PIEZO1: variants seen among roughly 807,000 people sequenced by gnomAD.
PIEZO1 encodes piezo type mechanosensitive ion channel component 1 (Er blood group).
PIEZO1 carries 296 observed loss-of-function variants against 297.2 expected under a neutral mutation model. The observed-to-expected ratio is 1.00, with a 90% confidence interval of 0.91 to 1.10. PIEZO1 has a LOEUF of 1.10. Ranked by LOEUF, PIEZO1 falls within the 50% of genes least tolerant of loss-of-function variation. PIEZO1 has a pLI of 0.00. For synonymous variants in PIEZO1, 2,427 were observed against 1,507.5 expected (o/e 1.61, Z -14.13); for missense variants, 5,018 against 3,455.5 (o/e 1.45, Z -11.34).
At chr16:88,754,625 G>T (rs3843706) in intron 1 of PIEZO1, among the ~76,000 whole-genome samples, 1 of 152,088 alleles carries the variant, frequency 6.6e-6, no homozygotes, top group African/African-American at 2.4e-5. Flanking sequence ...TGCCGGATGG[G>T]GCTTTCACAA....
chr16:88,736,836 C>T, intron 10 of PIEZO1, 97 bp from the exon 11 acceptor site: 2 of 699,688 alleles, frequency 2.9e-6, no homozygotes, highest in Non-Finnish European at 4.6e-6. Context: ...AAGCACACAG[C>T]AGGAGAGACA....
In PIEZO1 at chr16:88,738,382, G is replaced by A; in HGVS notation, c.693C>T (p.Cys231=). The change falls in exon 7 of 51, where the codon TGC becomes TGT. Residue 231 remains cysteine, a synonymous_variant. Coordinates refer to ENST00000301015, the MANE Select transcript of PIEZO1 (RefSeq NM_001142864.4). ...TGGGAAAGTGGCAGGCCCACCAGGT[G>A]CAGAGGGCCAGGAAGAGCAGCAGGT... The part of the protein sequence containing the change: ...SVYLLLFLAL[C]TWWACHFPIS... 1.3e-6 allele frequency: 2 copies of A among 1,535,830 alleles called. No individual in the cohort carries two copies. Among genetic ancestry groups the A allele is most frequent in the Non-Finnish European group, 1.7e-6 (2 of 1,146,842 alleles).
At chr16:88,720,809 C>G in intron 39 of PIEZO1, 61 bp from the exon 40 acceptor site, 1 of 1,437,026 alleles carries the variant, frequency 7.0e-7, no homozygotes, top group East Asian at 2.5e-5. Flanking sequence ...CTCATGGCTC[C>G]TGACCACCCT....
chr16:88,783,554 T>A (rs1353945235), intron 1 of PIEZO1, among the ~76,000 whole-genome samples: 1 of 152,152 alleles, frequency 6.6e-6, no homozygotes, highest in Admixed American at 6.5e-5. Flanking sequence ...CTAAGGCCTG[T>A]CAGCTCTAGA....
intron 19 of PIEZO1, 80 bp from the exon 20 acceptor site, chr16:88,732,812 G>C: frequency 7.2e-7 from 1 of 1,379,878 alleles, no homozygotes; most frequent in South Asian, 1.5e-5. Context: ...CACAGCCACA[G>C]CTCTGGGGCA....
At chr16:88,732,014 G>A (rs1304620085) in intron 21 of PIEZO1, 104 bp from the exon 22 acceptor site, 11 of 17,704 alleles carry the variant, frequency 6.2e-4, no homozygotes, top group Non-Finnish European at 1.1e-3. Context: ...CCTGCCTGGA[G>A]GCTGCGGGCA....
At chr16:88,777,416 C>T (rs1474840484) in intron 1 of PIEZO1, among the ~76,000 whole-genome samples, 1 of 152,044 alleles carries the variant, frequency 6.6e-6, no homozygotes, top group Non-Finnish European at 1.5e-5. Flanking sequence ...GCAGGGTCCT[C>T]ACTGTCACTG....
intron 2 of PIEZO1, among the ~76,000 whole-genome samples, chr16:88,747,626 C>T (rs1597470117): frequency 1.3e-5 from 2 of 152,228 alleles, no homozygotes; most frequent in South Asian, 4.1e-4. Context: ...GACCTTCCAC[C>T]TGCAGCTGGC....
intron 1 of PIEZO1, among the ~76,000 whole-genome samples, chr16:88,756,648 G>C (rs750332396): frequency 6.6e-6 from 1 of 152,130 alleles, no homozygotes; most frequent in African/African-American, 2.4e-5. Context: ...GGTGCCTGTA[G>C]TCCCAGCTAC....
At position 88,722,236 on chromosome 16, in the gene PIEZO1, C is replaced by G. The variant is rs1228583347; in HGVS notation, c.4937G>C (p.Ser1646Thr). The G allele has an allele frequency of 6.5e-7, 1 of 1,547,364 alleles. No individual in the cohort carries two copies. Among genetic ancestry groups the G allele is most frequent in the Admixed American group, 2.0e-5 (1 of 50,958 alleles). The change falls in exon 36 of 51, where the codon AGC becomes ACC. Residue 1646 changes from serine to threonine, a missense_variant. Transcript: ENST00000301015. ...CCCCCACCTGTCCAGGAGCAGCTCG[C>G]TGGCCGTCCGCATCAGTCCCTGGTA... is the stretch of plus-strand genomic sequence containing the variant. ...SLYQGLMRTA[S>T]ELLLDRRLRI... is the part of the protein sequence containing the mutation.
chr16:88,784,890 C>G lies in PIEZO1; in HGVS notation c.64+11G>C. On this transcript the variant is annotated intron_variant, in intron 1 of 50. Transcript: ENST00000301015. ...CCTCCCGTCGCCCCCAGGCGCCCGCCCCCCACTCACCAGCCAGCAGCGCGC... is the reference window on the plus strand; with the variant it reads ...CCTCCCGTCGCCCCCAGGCGCCCGCGCCCCACTCACCAGCCAGCAGCGCGC... The G allele has an allele frequency of 7.0e-7, 1 of 1,436,094 alleles. No homozygotes were observed. Among genetic ancestry groups the G allele is most frequent in the Non-Finnish European group, 9.2e-7 (1 of 1,092,102 alleles). The allele number at this position is 1,436,094 out of a possible 1,614,324, so 89.0% of individuals were successfully genotyped here. A position where few individuals can be genotyped will look rare whatever the true frequency, so the allele number is the denominator to read the frequency against.
At chr16:88,717,415 T>G (rs1191678376) in intron 44 of PIEZO1, 8 of 646,842 alleles carry the variant, frequency 1.2e-5, no homozygotes, top group Non-Finnish European at 2.2e-5. Context: ...GTCGTTGATC[T>G]TAGACAAGGG....
At chr16:88,771,479 C>G (rs1387548778) in intron 1 of PIEZO1, among the ~76,000 whole-genome samples, 1 of 152,234 alleles carries the variant, frequency 6.6e-6, no homozygotes, top group Non-Finnish European at 1.5e-5. Flanking sequence ...GAGCACACAG[C>G]TTTCTTGACT....
intron 44 of PIEZO1, chr16:88,718,311 C>G (rs970356981): frequency 6.5e-6 from 1 of 152,742 alleles, no homozygotes; most frequent in Non-Finnish European, 1.5e-5. Flanking sequence ...GGTGGAGCTG[C>G]TATGGAAAAC....
In PIEZO1 at chr16:88,722,337, G is replaced by A. The variant is rs895005497; in HGVS notation, c.4836C>T (p.Ser1612=). The A allele has an allele frequency of 1.4e-5, 21 of 1,540,396 alleles. No homozygotes were observed. The highest frequency in any genetic ancestry group is 2.0e-5 in the Admixed American group (1 of 49,846). The change falls in exon 36 of 51, where the codon AGC becomes AGT. Residue 1612 remains serine, a synonymous_variant. Coordinates refer to ENST00000301015, the MANE Select transcript of PIEZO1 (RefSeq NM_001142864.4). ...SMTDDMGSPL[S]TGYHTRSGSE... ...TGCCACTGCGCGTGTGGTAGCCGGT[G>A]CTCAGGGGGCTGCCCATGTCGTCTG...
chr16:88,720,763 T>C lies in PIEZO1; in HGVS notation c.5669-15A>G. 4.8e-6 allele frequency: 7 copies of C among 1,470,184 alleles called. No homozygotes were observed. Among genetic ancestry groups the C allele is most frequent in the South Asian group, 1.4e-5 (1 of 70,448 alleles). The allele number at this position is 1,470,184 out of a possible 1,614,324, so 91.1% of individuals were successfully genotyped here. ...GTCCTCAGCTTCTGTAGGGAAAAGC[T>C]GACTTCTGCCTGGGCCCCCTGGGGA... is the stretch of plus-strand genomic sequence containing the variant. On this transcript the variant is annotated splice_polypyrimidine_tract_variant and intron_variant, in intron 39 of 50. Coordinates refer to ENST00000301015, the MANE Select transcript of PIEZO1 (RefSeq NM_001142864.4).
intron 27 of PIEZO1, 106 bp from the exon 28 acceptor site, chr16:88,725,790 T>C (rs1012101125): frequency 1.2e-5 from 8 of 673,056 alleles, no homozygotes; most frequent in Middle Eastern, 3.7e-4. Flanking sequence ...TGCTCCTCTC[T>C]GCCCACGCTG....
chr16:88,774,335 G>A (rs78915551), intron 1 of PIEZO1, among the ~76,000 whole-genome samples: 3,301 of 152,370 alleles, frequency 0.022, 120 homozygotes, highest in African/African-American at 0.075. Context: ...AGTTTGCGAT[G>A]AGTCGAGATT....
At chr16:88,717,489 A>T (rs759668110) in intron 44 of PIEZO1, 1 of 590,714 alleles carries the variant, frequency 1.7e-6, no homozygotes, top group Non-Finnish European at 3.2e-6. Context: ...CGCCCCAGGC[A>T]GGAGAATGAA....
Sources: allele counts gnomAD v4.1 joint callset (sites outside exome capture counted in the v4.1 genomes callset), GRCh38; gene constraint gnomAD v4.1.1; transcripts MANE v1.5; gene names NCBI Gene and HGNC (gene_info 2026-07-23, HGNC 2026-07-21).